SLC25A26: variants seen among roughly 807,000 people sequenced by gnomAD.
The protein encoded by SLC25A26 is mitochondrial S-adenosylmethionine carrier protein.
A neutral mutation model predicts 37.8 loss-of-function variants in SLC25A26; 36 were observed. The ratio of observed to expected loss-of-function variants is 0.95; its 90% CI spans 0.73 to 1.26. The LOEUF (loss-of-function observed/expected upper bound fraction) is 1.26, where lower values mean the gene tolerates loss of function less well. Ranked by LOEUF, SLC25A26 falls within the 50% of genes most tolerant of loss-of-function variation. The probability of loss-of-function intolerance (pLI) is 0.00; values close to 1 mark genes in which losing one functional copy is unlikely to be tolerated. For missense variants in SLC25A26, 390 were observed against 331.1 expected, an observed-to-expected ratio of 1.18 and a Z score of -1.38; for synonymous variants, 129 against 122.5, an observed-to-expected ratio of 1.05 and a Z score of -0.35.
intron 1 of SLC25A26, among the ~76,000 whole-genome samples, chr3:66,194,806 G>A (rs1282851575): frequency 6.6e-6 from 1 of 152,196 alleles, no homozygotes; most frequent in Admixed American, 6.5e-5. Flanking sequence ...TCTTCGTGTT[G>A]GCCAGGCTGG....
intron 5 of SLC25A26, among the ~76,000 whole-genome samples, chr3:66,328,611 G>T (rs976415594): frequency 6.6e-6 from 1 of 152,114 alleles, no homozygotes; most frequent in African/African-American, 2.4e-5. Flanking sequence ...TATATTAAAA[G>T]ATCTTTAAAG....
At chr3:66,364,066 G>A (rs1015586746) in intron 7 of SLC25A26, among the ~76,000 whole-genome samples, 4 of 152,020 alleles carry the variant, frequency 2.6e-5, no homozygotes, top group African/African-American at 4.8e-5. Flanking sequence ...CAAAATGAGC[G>A]CATTATGGAA....
chr3:66,346,440 C>G, intron 6 of SLC25A26, 32 bp downstream of exon 6: 1 of 1,253,816 alleles, frequency 8.0e-7, no homozygotes, highest in Non-Finnish European at 1.1e-6. Context: ...TAAAATTTGT[C>G]TCTAATTATA....
chr3:66,153,585 G>T (rs957899050), intron 1 of SLC25A26, among the ~76,000 whole-genome samples: 1 of 152,200 alleles, frequency 6.6e-6, no homozygotes, highest in Non-Finnish European at 1.5e-5. Context: ...CGCAGAATGC[G>T]CAGAATTTCT....
chr3:66,266,616 G>T (rs2073764593), intron 5 of SLC25A26, among the ~76,000 whole-genome samples: 2 of 137,116 alleles, frequency 1.5e-5, no homozygotes. Context: ...TGATGTTTGT[G>T]GAGATTGCAT....
intron 5 of SLC25A26, among the ~76,000 whole-genome samples, chr3:66,340,244 C>T (rs1559716526): frequency 1.3e-5 from 2 of 151,944 alleles, no homozygotes; most frequent in Admixed American, 1.3e-4. Flanking sequence ...CAGTTTTGTT[C>T]ATTGTAGCTA....
chr3:66,340,121 T>C (rs1396144938), intron 5 of SLC25A26, among the ~76,000 whole-genome samples: 1 of 152,108 alleles, frequency 6.6e-6, no homozygotes, highest in Non-Finnish European at 1.5e-5. Context: ...GTCCTTTCGC[T>C]GTTGAATGGT....
At chr3:66,208,961 C>T (rs1305796492) in intron 1 of SLC25A26, among the ~76,000 whole-genome samples, 1 of 53,526 alleles carries the variant, frequency 1.9e-5, no homozygotes. Flanking sequence ...TATATATACC[C>T]ATATAAAGGT....
intron 5 of SLC25A26, among the ~76,000 whole-genome samples, chr3:66,276,236 A>G (rs1248825835): frequency 6.6e-6 from 1 of 152,134 alleles, no homozygotes; most frequent in African/African-American, 2.4e-5. Context: ...TGTACAGATC[A>G]TAAGCAGAGG....
chr3:66,314,453 C>T (rs1019098931), intron 5 of SLC25A26, among the ~76,000 whole-genome samples: 18 of 152,012 alleles, frequency 1.2e-4, no homozygotes, highest in African/African-American at 2.4e-5. Flanking sequence ...GCCGTGCATC[C>T]TGGGGATGAA....
chr3:66,337,692 A>G (rs759190779), intron 5 of SLC25A26, among the ~76,000 whole-genome samples: 5 of 152,080 alleles, frequency 3.3e-5, no homozygotes, highest in Non-Finnish European at 5.9e-5. Flanking sequence ...ATTAATTTTA[A>G]TAATGCAAAT....
At chr3:66,197,059 A>G (rs2071054013) in intron 1 of SLC25A26, among the ~76,000 whole-genome samples, 1 of 152,162 alleles carries the variant, frequency 6.6e-6, no homozygotes, top group African/African-American at 2.4e-5. Context: ...CGCCTTTGAA[A>G]GTAGTATGTT....
intron 1 of SLC25A26, among the ~76,000 whole-genome samples, chr3:66,152,361 A>G (rs2070220475): frequency 6.6e-6 from 1 of 152,210 alleles, no homozygotes; most frequent in African/African-American, 2.4e-5. Context: ...GGTTGCAAGT[A>G]AGGGAAACCC....
intron 5 of SLC25A26, among the ~76,000 whole-genome samples, chr3:66,338,811 T>C (rs1052379825): frequency 1.3e-5 from 2 of 152,062 alleles, no homozygotes; most frequent in Admixed American, 1.3e-4. Context: ...ATATTTCATA[T>C]GATTATAATC....
chr3:66,302,048 A>G (rs1336804702), intron 5 of SLC25A26, among the ~76,000 whole-genome samples: 1 of 152,190 alleles, frequency 6.6e-6, no homozygotes, highest in Non-Finnish European at 1.5e-5. Flanking sequence ...TTGTGATGAT[A>G]ATGATGATAA....
intron 1 of SLC25A26, among the ~76,000 whole-genome samples, chr3:66,213,399 CAAAAAAAAA>C (rs1169648803): frequency 1.7e-4 from 5 of 28,836 alleles, no homozygotes; most frequent in East Asian, 2.8e-3. Context: ...GACTCTGTCT[CAAAAAAAAA>C]AAAAAAAAAA....
At chr3:66,227,373 C>G (rs565597644) in intron 1 of SLC25A26, among the ~76,000 whole-genome samples, 2 of 152,138 alleles carry the variant, frequency 1.3e-5, no homozygotes, top group South Asian at 4.1e-4. Context: ...CTTTGTTCAT[C>G]AGTTTTCTGT....
intron 1 of SLC25A26, among the ~76,000 whole-genome samples, chr3:66,167,844 A>G (rs752595421): frequency 1.3e-5 from 2 of 152,162 alleles, no homozygotes; most frequent in African/African-American, 4.8e-5. Flanking sequence ...TGTTATTTCA[A>G]TATGGGTTAA....
chr3:66,255,680 C>T (rs1057431322), intron 3 of SLC25A26, among the ~76,000 whole-genome samples: 1 of 152,166 alleles, frequency 6.6e-6, no homozygotes, highest in Non-Finnish European at 1.5e-5. Context: ...CCACAGATGA[C>T]ATTCTGTTTC....
Sources: gnomAD v4.1 joint callset for allele counts (sites outside exome capture counted in the v4.1 genomes callset) on GRCh38, gnomAD v4.1.1 for gene constraint, MANE v1.5 for transcripts, NCBI Gene and HGNC (gene_info 2026-07-23, HGNC 2026-07-21) for gene names.